KHDRBS2: variants seen among roughly 807,000 people sequenced by gnomAD.
The protein encoded by KHDRBS2 is KH RNA binding domain containing, signal transduction associated 2.
Under a neutral mutation model 44.3 loss-of-function variants are expected in KHDRBS2, and 26 were observed. That is an observed-to-expected ratio of 0.59 (90% confidence interval 0.43 to 0.81). The LOEUF (loss-of-function observed/expected upper bound fraction) is 0.81. Among genes scored for constraint, KHDRBS2 ranks in the 40% least tolerant of loss-of-function variants. The pLI is 0.00. For synonymous variants in KHDRBS2, 194 were observed against 151.1 expected, an observed-to-expected ratio of 1.28 and a Z score of -2.08; for missense variants, 476 against 433.1, an observed-to-expected ratio of 1.10 and a Z score of -0.88.
chr6:62,025,041 T>C (rs1368847001), intron 3 of KHDRBS2, among the ~76,000 whole-genome samples: 2 of 151,602 alleles, frequency 1.3e-5, no homozygotes, highest in Non-Finnish European at 3.0e-5. Context: ...ATCAATAAAG[T>C]ATTGAAATTA....
At chr6:62,276,111 T>C (rs1396186598) in intron 1 of KHDRBS2, among the ~76,000 whole-genome samples, 1 of 152,206 alleles carries the variant, frequency 6.6e-6, no homozygotes, top group Non-Finnish European at 1.5e-5. Context: ...ATCTACGCTC[T>C]AGAGAAAACA....
At chr6:62,278,158 A>G (rs894675315) in intron 1 of KHDRBS2, among the ~76,000 whole-genome samples, 4 of 152,240 alleles carry the variant, frequency 2.6e-5, no homozygotes, top group African/African-American at 9.6e-5. Flanking sequence ...AGCTTTAAAA[A>G]ATCAAACTGA....
intron 2 of KHDRBS2, among the ~76,000 whole-genome samples, chr6:62,078,847 T>C (rs1796842807): frequency 6.6e-6 from 1 of 152,072 alleles, no homozygotes; most frequent in Non-Finnish European, 1.5e-5. Context: ...ACAATCAATA[T>C]GTTTTGCATT....
intron 2 of KHDRBS2, among the ~76,000 whole-genome samples, chr6:62,158,445 G>A (rs987318858): frequency 3.3e-5 from 5 of 152,064 alleles, no homozygotes; most frequent in Non-Finnish European, 7.4e-5. Flanking sequence ...CTTCCCACTG[G>A]TCATAGTTAA....
intron 4 of KHDRBS2, among the ~76,000 whole-genome samples, chr6:61,915,970 T>A (rs73487401): frequency 0.01 from 1,573 of 152,146 alleles, 27 homozygotes; most frequent in African/African-American, 0.036. Context: ...AGATCTGTGA[T>A]CTCTTCCCTT....
At chr6:62,072,825 G>C (rs1363202491) in intron 2 of KHDRBS2, among the ~76,000 whole-genome samples, 1 of 152,092 alleles carries the variant, frequency 6.6e-6, no homozygotes, top group East Asian at 1.9e-4. Flanking sequence ...GTCTCTGCCA[G>C]GCTTTGGTAT....
chr6:61,673,769 A>G, the KHDRBS2 span, among the ~76,000 whole-genome samples: 2 of 142,226 alleles, frequency 1.4e-5, no homozygotes, highest in African/African-American at 2.6e-5. Context: ...TCAAGGAAAT[A>G]AAAGAGGATA....
chr6:61,651,231 A>G, the KHDRBS2 span, among the ~76,000 whole-genome samples: 1 of 152,114 alleles, frequency 6.6e-6, no homozygotes, highest in African/African-American at 2.4e-5. Flanking sequence ...TCCTTATTTG[A>G]AATGCATGGG....
intron 2 of KHDRBS2, among the ~76,000 whole-genome samples, chr6:62,070,786 C>A (rs1311832620): frequency 6.6e-6 from 1 of 151,884 alleles, no homozygotes; most frequent in Non-Finnish European, 1.5e-5. Flanking sequence ...TGTGAATAGT[C>A]TCGCAATAAA....
At chr6:62,232,912 A>T (rs1016856724) in intron 1 of KHDRBS2, among the ~76,000 whole-genome samples, 1 of 152,158 alleles carries the variant, frequency 6.6e-6, no homozygotes, top group African/African-American at 2.4e-5. Context: ...ACAGACCTTG[A>T]TTCTCCTTGC....
the KHDRBS2 span, among the ~76,000 whole-genome samples, chr6:61,613,830 C>T: frequency 6.6e-6 from 1 of 152,202 alleles, no homozygotes; most frequent in African/African-American, 2.4e-5. Flanking sequence ...TCCCTTGAAC[C>T]TACAAATAAA....
chr6:62,174,375 A>G lies in KHDRBS2; in HGVS notation c.219+2810T>C, dbSNP rs1041907784. 1.3e-4 allele frequency among the ~76,000 whole-genome samples: 19 copies of G among 151,636 alleles called. No homozygotes were observed. In the South Asian group the frequency reaches 3.3e-3, roughly 26 times the overall value. Reference sequence around the variant, plus strand: ...GAAAGATCTCTATAATGAGAATTATATATTTATATTATAAAAATATAAAGC... The same window carrying G: ...GAAAGATCTCTATAATGAGAATTATGTATTTATATTATAAAAATATAAAGC... On this transcript the variant is annotated intron_variant, in intron 2 of 8. Coordinates refer to ENST00000281156, the MANE Select transcript of KHDRBS2 (RefSeq NM_152688.4).
At chr6:62,256,150 C>A (rs894781529) in intron 1 of KHDRBS2, among the ~76,000 whole-genome samples, 16 of 147,110 alleles carry the variant, frequency 1.1e-4, no homozygotes. Flanking sequence ...GAAAAAAAAA[C>A]CCTCAAAACA....
At chr6:62,164,474 A>G (rs1818270871) in intron 2 of KHDRBS2, among the ~76,000 whole-genome samples, 2 of 151,860 alleles carry the variant, frequency 1.3e-5, no homozygotes, top group Admixed American at 1.3e-4. Flanking sequence ...ATCATTAGGA[A>G]AGTAACATTA....
At chr6:62,239,062 T>C (rs2150165457) in intron 1 of KHDRBS2, among the ~76,000 whole-genome samples, 1 of 152,330 alleles carries the variant, frequency 6.6e-6, no homozygotes, top group Admixed American at 6.5e-5. Context: ...ATGTAATATG[T>C]GAATCTTGTT....
At chr6:61,642,405 C>T in the KHDRBS2 span, among the ~76,000 whole-genome samples, 1 of 151,520 alleles carries the variant, frequency 6.6e-6, no homozygotes, top group Non-Finnish European at 1.5e-5. Flanking sequence ...CCTATAATCC[C>T]AGCACTTTTG....
chr6:61,860,296 T>A lies in KHDRBS2; in HGVS notation c.810+34339A>T, dbSNP rs1796732583. On this transcript the variant is annotated intron_variant, in intron 6 of 8. Transcript: ENST00000281156. ...TTGTGTGTGTGTCATGGGGGTTGGT[T>A]GTACAGATTATTTCATCACCCAGGT... 2.6e-5 allele frequency among the ~76,000 whole-genome samples: 4 copies of A among 151,960 alleles called. No homozygotes were observed. The South Asian group carries it at 8.3e-4, about 32-fold the overall frequency.
At chr6:62,078,184 A>G (rs73758652) in intron 2 of KHDRBS2, among the ~76,000 whole-genome samples, 3,951 of 152,166 alleles carry the variant, frequency 0.026, 183 homozygotes, top group African/African-American at 0.089. Context: ...TCAATATAAA[A>G]CTGTCCAAAT....
At chr6:62,006,598 C>T (rs895821560) in intron 3 of KHDRBS2, among the ~76,000 whole-genome samples, 1 of 151,866 alleles carries the variant, frequency 6.6e-6, no homozygotes, top group Admixed American at 6.6e-5. Flanking sequence ...ATTCAGCTAA[C>T]AATAATAAAG....
Sources: gnomAD v4.1 joint callset for allele counts (sites outside exome capture counted in the v4.1 genomes callset) on GRCh38, gnomAD v4.1.1 for gene constraint, MANE v1.5 for transcripts, NCBI Gene and HGNC (gene_info 2026-07-23, HGNC 2026-07-21) for gene names.